ATRN: variants seen among roughly 807,000 people sequenced by gnomAD.
ATRN encodes attractin.
In ATRN, 54 loss-of-function variants were observed where a neutral mutation model predicts 178.7. That is an observed-to-expected ratio of 0.30 (90% CI 0.24 to 0.38). The LOEUF (loss-of-function observed/expected upper bound fraction) is 0.38, where lower values mean the gene tolerates loss of function less well. ATRN is among the 10% of genes least tolerant of loss of function. The probability of loss-of-function intolerance (pLI) is 1.00; values close to 1 mark genes in which losing one functional copy is unlikely to be tolerated. For synonymous variants in ATRN, 636 were observed against 663.0 expected (o/e 0.96, Z 0.63); for missense variants, 1,443 against 1,815.1 (o/e 0.79, Z 3.73).
chr20:3,596,367 T>C lies in ATRN; in HGVS notation c.3417-10T>C, dbSNP rs767061212. ...AATAGCAGTATAAAATAGTCTTTTT[T>C]CCCCCCCAGATGTGAGGTAGAAAAT... is the stretch of plus-strand genomic sequence containing the variant. On this transcript the variant is annotated splice_polypyrimidine_tract_variant and intron_variant, in intron 20 of 28. Coordinates refer to ENST00000262919, the MANE Select transcript of ATRN (RefSeq NM_139321.3). The C allele has an allele frequency of 5.1e-5, 82 of 1,610,860 alleles. No individual in the cohort carries two copies. Among genetic ancestry groups the C allele is most frequent in the African/African-American group, 6.7e-5 (5 of 74,764 alleles).
chr20:3,588,976 C>CTTTT (rs1375444238), intron 18 of ATRN, among the ~76,000 whole-genome samples: 1,464 of 57,102 alleles, frequency 0.026, 68 homozygotes, highest in African/African-American at 0.071. Flanking sequence ...GTAGTATTTT[C>CTTTT]TTTTGTTTTT....
Position 3,552,167 on chromosome 20 carries a change from T to G in ATRN, c.1112+2829T>G, listed in dbSNP as rs190603823. 1.2e-4 allele frequency among the ~76,000 whole-genome samples: 18 copies of G among 152,328 alleles called. No individual in the cohort carries two copies. The East Asian group carries it at 2.9e-3, about 24-fold the overall frequency. Reference sequence around the variant, plus strand: ...CCTCTTTAGCTGGTTTCTCTTCAGCTGACTGACTTCTGAATGATGTCAGAC... The same window carrying G: ...CCTCTTTAGCTGGTTTCTCTTCAGCGGACTGACTTCTGAATGATGTCAGAC... On this transcript the variant is annotated intron_variant, in intron 6 of 28. Transcript: ENST00000262919.
At chr20:3,533,379 A>T (rs1458788459) in intron 1 of ATRN, among the ~76,000 whole-genome samples, 1 of 152,152 alleles carries the variant, frequency 6.6e-6, no homozygotes, top group African/African-American at 2.4e-5. Context: ...TGATTTTTTG[A>T]TGGGTACATG....
intron 24 of ATRN, among the ~76,000 whole-genome samples, chr20:3,606,437 A>T (rs1031571468): frequency 6.6e-6 from 1 of 151,928 alleles, no homozygotes; most frequent in Admixed American, 6.6e-5. Flanking sequence ...TTCTCTCTTC[A>T]CTGTTTCCTG....
At chr20:3,513,701 C>G (rs1216888767) in intron 1 of ATRN, among the ~76,000 whole-genome samples, 1 of 151,030 alleles carries the variant, frequency 6.6e-6, no homozygotes, top group Non-Finnish European at 1.5e-5. Context: ...ACCTTTTTCA[C>G]CATATTGATT....
At chr20:3,472,088 A>G (rs370770554) in intron 1 of ATRN, among the ~76,000 whole-genome samples, 9 of 152,194 alleles carry the variant, frequency 5.9e-5, no homozygotes, top group Non-Finnish European at 1.2e-4. Context: ...CCTTTTGGCA[A>G]AAGCTCCCTG....
intron 10 of ATRN, among the ~76,000 whole-genome samples, chr20:3,563,567 CT>C (rs1169824467): frequency 6.6e-6 from 1 of 152,150 alleles, no homozygotes; most frequent in African/African-American, 2.4e-5. Context: ...GAAATCACTC[CT>C]GTTAATTGCT....
intron 6 of ATRN, among the ~76,000 whole-genome samples, chr20:3,551,578 T>C (rs2085787382): frequency 6.6e-6 from 1 of 152,066 alleles, no homozygotes; most frequent in Non-Finnish European, 1.5e-5. Context: ...TTTTCAATCT[T>C]TTCAGATATT....
intron 1 of ATRN, among the ~76,000 whole-genome samples, chr20:3,530,684 T>C (rs1169150998): frequency 6.6e-6 from 1 of 152,046 alleles, no homozygotes; most frequent in Non-Finnish European, 1.5e-5. Flanking sequence ...TGTATAGAAA[T>C]AGTGTTTTAA....
intron 1 of ATRN, among the ~76,000 whole-genome samples, chr20:3,516,862 A>G (rs2085212477): frequency 6.6e-6 from 1 of 152,016 alleles, no homozygotes; most frequent in Non-Finnish European, 1.5e-5. Flanking sequence ...TATATGTGCC[A>G]CATTTTCTTT....
intron 27 of ATRN, among the ~76,000 whole-genome samples, chr20:3,639,384 C>A (rs1027982292): frequency 6.6e-6 from 1 of 152,208 alleles, no homozygotes; most frequent in South Asian, 2.1e-4. Flanking sequence ...TCCTGAGTTG[C>A]TGGGATTACC....
intron 14 of ATRN, 28 bp from the exon 15 acceptor site, chr20:3,578,552 CTT>C (rs2146252814): frequency 6.4e-7 from 1 of 1,559,998 alleles, no homozygotes; most frequent in East Asian, 2.3e-5. Context: ...TTCTAAAATT[CTT>C]TTCTTTCTCT....
At chr20:3,639,062 A>G (rs1333488582) in intron 27 of ATRN, 127 bp downstream of exon 27, 2 of 662,518 alleles carry the variant, frequency 3.0e-6, no homozygotes, top group East Asian at 5.7e-5. Context: ...TCTTTTTAAC[A>G]ATAAGCTAAA....
At chr20:3,496,535 T>C (rs2084882228) in intron 1 of ATRN, among the ~76,000 whole-genome samples, 1 of 152,152 alleles carries the variant, frequency 6.6e-6, no homozygotes, top group Non-Finnish European at 1.5e-5. Context: ...TTATAATTTC[T>C]GTTCTTTTAC....
chr20:3,519,329 A>G (rs1416399769), intron 1 of ATRN, among the ~76,000 whole-genome samples: 1 of 145,142 alleles, frequency 6.9e-6, no homozygotes, highest in East Asian at 2.8e-4. Flanking sequence ...GAATACATCC[A>G]TGTGAGACTG....
chr20:3,624,114 G>C (rs1369263505), intron 24 of ATRN, among the ~76,000 whole-genome samples: 1 of 152,220 alleles, frequency 6.6e-6, no homozygotes, highest in African/African-American at 2.4e-5. Context: ...ACCAAATGAA[G>C]AGCACAGAAT....
rs533041166 is a variant in ATRN at position 3,527,988 on chromosome 20, C to T, written c.411-7265C>T. Among the ~76,000 whole-genome samples, 11 of 151,984 alleles carry T rather than the reference C, an allele frequency of 7.2e-5. No individual in the cohort carries two copies. The East Asian group carries it at 9.7e-4, about 13-fold the overall frequency. ...AATGTAGATGACGGCTTGATGGGTG[C>T]GGCAAACCACCATGGCACGTGTGTA... is the stretch of plus-strand genomic sequence containing the variant. On this transcript the variant is annotated intron_variant, in intron 1 of 28. Coordinates refer to ENST00000262919, the MANE Select transcript of ATRN (RefSeq NM_139321.3).
chr20:3,535,620 CACACACATAT>C (rs930156219), intron 2 of ATRN, among the ~76,000 whole-genome samples: 4 of 144,596 alleles, frequency 2.8e-5, no homozygotes, highest in African/African-American at 1.1e-4. Flanking sequence ...CACACACACA[CACACACATAT>C]ATATTTATTT....
chr20:3,494,267 C>T (rs1043100212), intron 1 of ATRN, among the ~76,000 whole-genome samples: 40 of 152,316 alleles, frequency 2.6e-4, no homozygotes, highest in African/African-American at 8.9e-4. Flanking sequence ...ACAATATGGT[C>T]TGCTCAGTCT....
Sources: allele counts gnomAD v4.1 joint callset (sites outside exome capture counted in the v4.1 genomes callset), GRCh38; gene constraint gnomAD v4.1.1; transcripts MANE v1.5; gene names NCBI Gene and HGNC (gene_info 2026-07-23, HGNC 2026-07-21).